The following SYTL5 variants were observed in gnomAD, a reference collection of about 807,000 sequenced individuals.
The protein encoded by SYTL5 is synaptotagmin like 5, also known as synaptotagmin-like protein 5.
SYTL5 carries 34 observed loss-of-function variants against 55.9 expected under a neutral mutation model. The ratio of observed to expected loss-of-function variants is 0.61; its 90% CI spans 0.46 to 0.81. The LOEUF (loss-of-function observed/expected upper bound fraction) is 0.81, where lower values mean the gene tolerates loss of function less well. Among genes scored for constraint, SYTL5 ranks in the 30% least tolerant of loss-of-function variants. The probability of loss-of-function intolerance (pLI) is 0.00; values close to 1 mark genes in which losing one functional copy is unlikely to be tolerated. For missense variants in SYTL5, 637 were observed against 546.7 expected, an observed-to-expected ratio of 1.17 and a Z score of -1.65; for synonymous variants, 221 against 188.7, an observed-to-expected ratio of 1.17 and a Z score of -1.40.
intron 3 of SYTL5, among the ~76,000 whole-genome samples, chrX:38,064,400 C>T (rs1444296520): frequency 9.0e-6 from 1 of 111,466 alleles, no homozygotes; most frequent in African/African-American, 3.3e-5. Context: ...AGGAATATCT[C>T]CCTATAGTTT....
the SYTL5 span, among the ~76,000 whole-genome samples, chrX:37,893,565 A>C: frequency 2.2e-5 from 2 of 90,209 alleles, no homozygotes; most frequent in Admixed American, 1.4e-4. Flanking sequence ...TATAGATTAT[A>C]TATACAATCT....
At chrX:37,947,522 C>A in the SYTL5 span, among the ~76,000 whole-genome samples, 1 of 112,045 alleles carries the variant, frequency 8.9e-6, no homozygotes, top group African/African-American at 3.2e-5. Flanking sequence ...GCCTCCCCAG[C>A]CATGCGGAAC....
intron 12 of SYTL5, among the ~76,000 whole-genome samples, chrX:38,109,977 C>A (rs189324033): frequency 9.1e-6 from 1 of 110,433 alleles, no homozygotes; most frequent in Non-Finnish European, 1.9e-5. Flanking sequence ...CTTGAGCTTA[C>A]AAAGTAGGTA....
the SYTL5 span, among the ~76,000 whole-genome samples, chrX:37,923,988 C>T: frequency 9.0e-6 from 1 of 111,056 alleles, no homozygotes; most frequent in South Asian, 3.8e-4. Context: ...AAGAGGTTCC[C>T]GCCAAGGTTC....
the SYTL5 span, among the ~76,000 whole-genome samples, chrX:37,958,833 G>GA: frequency 8.9e-6 from 1 of 112,479 alleles, no homozygotes; most frequent in South Asian, 3.7e-4. Context: ...AAATAAGCAA[G>GA]AAAAAATAAG....
chrX:37,891,853 T>C, the SYTL5 span, among the ~76,000 whole-genome samples: 1 of 111,661 alleles, frequency 9.0e-6, no homozygotes, highest in East Asian at 2.8e-4. Context: ...TCTCTGGGCA[T>C]CTCTGATAGA....
the SYTL5 span, among the ~76,000 whole-genome samples, chrX:37,924,362 T>C: frequency 9.0e-6 from 1 of 111,447 alleles, no homozygotes; most frequent in Non-Finnish European, 1.9e-5. Flanking sequence ...TTACTAATAC[T>C]TCAGAGGTTG....
chrX:38,095,102 G>T (rs1291062613), intron 8 of SYTL5, among the ~76,000 whole-genome samples: 2 of 111,767 alleles, frequency 1.8e-5, no homozygotes, highest in East Asian at 5.6e-4. Context: ...GTAACCTAAT[G>T]ATTATATATG....
At chrX:38,069,228 A>G (rs1936188576) in intron 3 of SYTL5, among the ~76,000 whole-genome samples, 1 of 112,198 alleles carries the variant, frequency 8.9e-6, no homozygotes, top group Non-Finnish European at 1.9e-5. Flanking sequence ...GTAGTTTTCT[A>G]TTGCCACCTT....
chrX:37,907,015 C>T, the SYTL5 span, among the ~76,000 whole-genome samples: 1 of 111,956 alleles, frequency 8.9e-6, no homozygotes. Flanking sequence ...GTTTCTGTGA[C>T]TATTAAGTAA....
intron 12 of SYTL5, among the ~76,000 whole-genome samples, chrX:38,109,782 A>C (rs1602405921): frequency 9.1e-6 from 1 of 110,286 alleles, no homozygotes; most frequent in African/African-American, 3.3e-5. Flanking sequence ...AAAAACAAAA[A>C]AAATGCTAGC....
At chrX:38,008,118 G>A (rs764101112) in intron 1 of SYTL5, among the ~76,000 whole-genome samples, 18 of 111,360 alleles carry the variant, frequency 1.6e-4, no homozygotes, top group Non-Finnish European at 2.5e-4. Context: ...TATGTAAAAT[G>A]AGCAGTTCGT....
intron 3 of SYTL5, among the ~76,000 whole-genome samples, chrX:38,056,983 T>G (rs774208260): frequency 1.8e-5 from 2 of 112,054 alleles, no homozygotes; most frequent in East Asian, 5.6e-4. Context: ...GCTTTTTAAC[T>G]TGATATGATC....
the SYTL5 span, among the ~76,000 whole-genome samples, chrX:37,899,311 C>G: frequency 1.4e-3 from 153 of 111,491 alleles, no homozygotes; most frequent in Non-Finnish European, 1.7e-3. Flanking sequence ...AAGCATCCTC[C>G]TGCCTCAGCC....
chrX:37,971,783 C>T, the SYTL5 span, among the ~76,000 whole-genome samples: 920 of 109,399 alleles, frequency 8.4e-3, 6 homozygotes, highest in Middle Eastern at 0.019. Context: ...GGGGGTCATT[C>T]TCCTTGTTTT....
chrX:37,960,598 G>C, the SYTL5 span, among the ~76,000 whole-genome samples: 2,041 of 109,900 alleles, frequency 0.019, 42 homozygotes, highest in African/African-American at 0.064. Flanking sequence ...GGCTTTTACT[G>C]TCCGTATTTT....
At position 38,073,605 on chromosome X, in the gene SYTL5, A is replaced by T. The variant is rs1268406138; in HGVS notation, c.461A>T (p.Gln154Leu). ...TGTTAATGAGGAGCTGAAGAAGTAC[A>T]GAGCCAAGAGCAAACCCGCCAGGAT... ...LRRSPGAEEV[Q>L]SQEQTRQDAE... The change falls in exon 5 of 17, where the codon CAG becomes CTG. Residue 154 changes from glutamine (Q) to leucine (L), a missense_variant. Physicochemically the swap from Gln to Leu is moderately radical, Grantham distance 113. Coordinates refer to ENST00000297875, the MANE Select transcript of SYTL5 (RefSeq NM_138780.3). 2 of 1,186,917 alleles carry T rather than the reference A, an allele frequency of 1.7e-6. No homozygotes were observed. Among genetic ancestry groups the T allele is most frequent in the Non-Finnish European group, 2.3e-6 (2 of 883,018 alleles).
chrX:38,063,301 T>C (rs1041174056), intron 3 of SYTL5, among the ~76,000 whole-genome samples: 8 of 111,903 alleles, frequency 7.1e-5, no homozygotes, highest in African/African-American at 2.6e-4. Context: ...ATTTCTTGAA[T>C]GGCAAGAAGC....
chrX:38,051,832 A>G (rs762383777), intron 2 of SYTL5, among the ~76,000 whole-genome samples: 126 of 111,195 alleles, frequency 1.1e-3, no homozygotes, highest in Admixed American at 2.9e-3. Context: ...ATCCACATGA[A>G]TGTTCAAAGA....
Sources: gnomAD v4.1 joint callset for allele counts (sites outside exome capture counted in the v4.1 genomes callset) on GRCh38, gnomAD v4.1.1 for gene constraint, MANE v1.5 for transcripts, NCBI Gene and HGNC (gene_info 2026-07-23, HGNC 2026-07-21) for gene names.